The following ZRANB3 variants were observed in gnomAD, a reference collection of about 807,000 sequenced individuals.
ZRANB3 encodes the protein DNA annealing helicase and endonuclease ZRANB3.
A neutral mutation model predicts 133.8 loss-of-function variants in ZRANB3; 125 were observed. That is an observed-to-expected ratio of 0.93 (90% confidence interval 0.81 to 1.08). ZRANB3 has a LOEUF of 1.08. Ranked by LOEUF, ZRANB3 falls within the 50% of genes least tolerant of loss-of-function variation. The pLI is 0.00. For missense variants in ZRANB3, 1,229 were observed against 1,275.5 expected, an observed-to-expected ratio of 0.96 and a Z score of 0.56; for synonymous variants, 387 against 432.7, an observed-to-expected ratio of 0.89 and a Z score of 1.31.
chr2:135,255,047 G>A (rs758727577), intron 12 of ZRANB3, among the ~76,000 whole-genome samples: 1 of 151,840 alleles, frequency 6.6e-6, no homozygotes, highest in Non-Finnish European at 1.5e-5. Flanking sequence ...CACCGCATCC[G>A]GCCGTAGAAC....
At chr2:135,399,612 C>T (rs1687649697) in intron 2 of ZRANB3, among the ~76,000 whole-genome samples, 1 of 152,080 alleles carries the variant, frequency 6.6e-6, no homozygotes, top group Non-Finnish European at 1.5e-5. Context: ...CACTTTAACT[C>T]ACAACATGAT....
At chr2:135,414,255 G>A (rs1380397199) in intron 2 of ZRANB3, among the ~76,000 whole-genome samples, 3 of 152,054 alleles carry the variant, frequency 2.0e-5, no homozygotes, top group South Asian at 4.1e-4. Flanking sequence ...AAGGATGGAG[G>A]AAGATCTACC....
At chr2:135,360,228 A>C (rs1685612706) in intron 3 of ZRANB3, among the ~76,000 whole-genome samples, 1 of 151,868 alleles carries the variant, frequency 6.6e-6, no homozygotes, top group Non-Finnish European at 1.5e-5. Context: ...AAAATACAAA[A>C]AAATTAGCCC....
intron 2 of ZRANB3, among the ~76,000 whole-genome samples, chr2:135,408,366 C>T (rs1303251154): frequency 1.3e-5 from 2 of 152,128 alleles, no homozygotes. Flanking sequence ...AACACTTTTA[C>T]ACTGTTGGTG....
chr2:135,286,095 T>A (rs1681350247), intron 8 of ZRANB3, among the ~76,000 whole-genome samples: 1 of 152,296 alleles, frequency 6.6e-6, no homozygotes, highest in South Asian at 2.1e-4. Context: ...TTATTAGGTT[T>A]TTGGGGGAAC....
chr2:135,207,675 T>C lies in ZRANB3; in HGVS notation c.2768A>G (p.Lys923Arg). The C allele has an allele frequency of 6.2e-7, 1 of 1,614,030 alleles. No individual in the cohort carries two copies. Among genetic ancestry groups the C allele is most frequent in the South Asian group, 1.1e-5 (1 of 91,084 alleles). Residue 923 changes from lysine (K) to arginine (R), a missense_variant, in exon 19 of 21, where the codon AAG (lysine) becomes AGG (arginine). Lys to Arg is a conservative substitution (Grantham distance 26). Transcript: ENST00000264159. ...CCAAGAGTTCGCTTTACATGCTTGCTTAGTCTGGCAAGTGGGTTGCTGACA... is the reference window on the plus strand; with the variant it reads ...CCAAGAGTTCGCTTTACATGCTTGCCTAGTCTGGCAAGTGGGTTGCTGACA... ...LRCQQPTCQT[K>R]QACKANSWDS... is the part of the protein sequence containing the mutation.
chr2:135,381,130 G>T (rs946191169), intron 3 of ZRANB3, among the ~76,000 whole-genome samples: 64 of 152,284 alleles, frequency 4.2e-4, no homozygotes, highest in African/African-American at 1.2e-3. Context: ...ATGGCACCTG[G>T]AAAATTGGGT....
chr2:135,273,263 AC>A, intron 9 of ZRANB3, among the ~76,000 whole-genome samples: 1 of 152,210 alleles, frequency 6.6e-6, no homozygotes, highest in South Asian at 2.1e-4. Flanking sequence ...ATTTCAAAAA[AC>A]CTTATTCATG....
intron 2 of ZRANB3, among the ~76,000 whole-genome samples, chr2:135,446,752 T>A (rs1183959119): frequency 6.6e-6 from 1 of 152,172 alleles, no homozygotes; most frequent in Admixed American, 6.5e-5. Context: ...AGTGAGAGAC[T>A]GTGCAAAGGT....
intron 8 of ZRANB3, among the ~76,000 whole-genome samples, chr2:135,311,581 T>TAA (rs372719391): frequency 1.4e-5 from 2 of 139,678 alleles, no homozygotes; most frequent in African/African-American, 5.2e-5. Flanking sequence ...GGTGAAAGAA[T>TAA]AAAAAAAAAA....
Position 135,350,017 on chromosome 2 carries a change from A to G in ZRANB3, c.558T>C (p.Leu186=), listed in dbSNP as rs199705117. 358 of 1,613,654 alleles carry G rather than the reference A, an allele frequency of 2.2e-4. No individual in the cohort carries two copies. Among genetic ancestry groups the G allele is most frequent in the Middle Eastern group, 8.2e-4 (5 of 6,082 alleles). The change falls in exon 5 of 21, where the codon CTT becomes CTC. Residue 186 remains leucine (L), a synonymous_variant. Transcript: ENST00000264159. Reference sequence around the variant, plus strand: ...GCCTTCCTAAAGCTGGTGTTCCTGTAAGAAGAATGGCTCGTCTGGCTTTCT... The same window carrying G: ...GCCTTCCTAAAGCTGGTGTTCCTGTGAGAAGAATGGCTCGTCTGGCTTTCT... ...IVQKARRAIL[L]TGTPALGRPE... is the part of the protein sequence containing the mutation.
chr2:135,390,924 G>A (rs1457220391), intron 2 of ZRANB3, 104 bp from the exon 3 acceptor site: 30 of 1,209,470 alleles, frequency 2.5e-5, no homozygotes, highest in Admixed American at 2.2e-4. Context: ...GCAGTGGTGC[G>A]ATCTCAGCTC....
chr2:135,483,921 T>G (rs2104797125), intron 2 of ZRANB3, among the ~76,000 whole-genome samples: 1 of 152,300 alleles, frequency 6.6e-6, no homozygotes, highest in Non-Finnish European at 1.5e-5. Context: ...GTTGAGCGGT[T>G]TTGAGTGAGA....
intron 2 of ZRANB3, among the ~76,000 whole-genome samples, chr2:135,494,210 T>C (rs1383935602): frequency 7.1e-6 from 1 of 141,506 alleles, no homozygotes; most frequent in Admixed American, 7.2e-5. Context: ...CTCACGCCTG[T>C]ATCAGGAGAA....
intron 6 of ZRANB3, among the ~76,000 whole-genome samples, chr2:135,316,857 T>A (rs931664192): frequency 6.6e-6 from 1 of 150,624 alleles, no homozygotes; most frequent in African/African-American, 2.4e-5. Flanking sequence ...TCCCAGCTAC[T>A]CAAGAGGCTG....
intron 1 of ZRANB3, among the ~76,000 whole-genome samples, chr2:135,529,281 G>A (rs1048969304): frequency 3.3e-5 from 5 of 152,150 alleles, no homozygotes; most frequent in African/African-American, 1.2e-4. Context: ...TCTGTAACTT[G>A]TATCTTCTTT....
At chr2:135,261,417 G>A (rs115727495) in intron 12 of ZRANB3, among the ~76,000 whole-genome samples, 218 of 152,260 alleles carry the variant, frequency 1.4e-3, no homozygotes, top group Middle Eastern at 6.8e-3. Flanking sequence ...CACTTCACTT[G>A]TTGGCCATAC....
chr2:135,458,788 GTAGGGTGA>G (rs1174528821), intron 2 of ZRANB3, among the ~76,000 whole-genome samples: 2 of 152,096 alleles, frequency 1.3e-5, no homozygotes, highest in African/African-American at 4.8e-5. Flanking sequence ...AAATTGAGTT[GTAGGGTGA>G]TATGTGCTAA....
At chr2:135,448,291 C>T (rs1341255596) in intron 2 of ZRANB3, among the ~76,000 whole-genome samples, 2 of 152,080 alleles carry the variant, frequency 1.3e-5, no homozygotes, top group Non-Finnish European at 2.9e-5. Context: ...TAATGAAAAC[C>T]ACTCTTGGCA....
Sources: allele counts gnomAD v4.1 joint callset (sites outside exome capture counted in the v4.1 genomes callset), GRCh38; gene constraint gnomAD v4.1.1; transcripts MANE v1.5; gene names NCBI Gene and HGNC (gene_info 2026-07-23, HGNC 2026-07-21).